RAB11FIP4: variants seen among roughly 807,000 people sequenced by gnomAD.
RAB11FIP4 encodes the protein RAB11 family interacting protein 4.
A neutral mutation model predicts 74.3 loss-of-function variants in RAB11FIP4; 23 were observed. That is an observed-to-expected ratio of 0.31 (90% CI 0.22 to 0.44). The LOEUF (loss-of-function observed/expected upper bound fraction) is 0.44. Among genes scored for constraint, RAB11FIP4 ranks in the 20% least tolerant of loss-of-function variants. The pLI, the probability that RAB11FIP4 is intolerant of heterozygous loss-of-function variation, is 1.00. For synonymous variants in RAB11FIP4, 360 were observed against 359.9 expected (o/e 1.00, Z 0.00); for missense variants, 630 against 863.9 (o/e 0.73, Z 3.39).
chr17:31,526,523 A>G (rs1436215748), intron 10 of RAB11FIP4: 1 of 152,200 alleles, frequency 6.6e-6, no homozygotes, highest in Non-Finnish European at 1.5e-5. Context: ...CTTCCAGGAA[A>G]GAGGACATGA....
At chr17:31,487,954 T>TCCTCCG (rs1204487268) in intron 3 of RAB11FIP4, 4 of 753,088 alleles carry the variant, frequency 5.3e-6, no homozygotes, top group African/African-American at 3.8e-5. Flanking sequence ...CGCGTCCCTG[T>TCCTCCG]CCTCCGCCCC....
chr17:31,445,558 ATATATATATATATATATATATTT>A lies in RAB11FIP4; in HGVS notation c.336+11438_336+11460del, dbSNP rs1215726585. ...TATATATATATATATATATATATAT[ATATATATATATATATATATATTT>A]TTTTTTTTTTTTTTTTTTTTTTGAC... On this transcript the variant is annotated intron_variant, in intron 3 of 14. Transcript: ENST00000621161. Among the ~76,000 whole-genome samples, 91 of 13,762 alleles carry A rather than the reference ATATATATATATATATATATATTT, an allele frequency of 6.6e-3. 4 individuals carry two copies. The highest frequency in any genetic ancestry group is 0.042 in the Middle Eastern group (2 of 48). The allele number at this position is 13,762 out of a possible 152,430, so 9.0% of individuals were successfully genotyped here.
In RAB11FIP4 at chr17:31,391,944, A is replaced by T; in HGVS notation, c.92A>T (p.Asp31Val). Residue 31 changes from aspartate to valine, a missense_variant, in exon 1 of 15, where the codon GAC becomes GTC. Transcript: ENST00000621161. ...LREVFEVCGRDPDGFLRVERV... is the reference protein window; with the variant it reads ...LREVFEVCGRVPDGFLRVERV... ...GAGGTGTTCGAGGTGTGCGGCCGCGACCCCGACGGCTTCCTGCGCGTGGAG... is the reference window on the plus strand; with the variant it reads ...GAGGTGTTCGAGGTGTGCGGCCGCGTCCCCGACGGCTTCCTGCGCGTGGAG... 7.2e-7 allele frequency: 1 copy of T among 1,382,792 alleles called. No homozygotes were observed. The highest frequency in any genetic ancestry group is 9.4e-7 in the Non-Finnish European group (1 of 1,064,616). 85.7% of individuals were successfully genotyped at this position (1,382,792 alleles called of 1,614,324 possible). A position where few individuals can be genotyped will look rare whatever the true frequency, so the allele number is the denominator to read the frequency against.
intron 4 of RAB11FIP4, among the ~76,000 whole-genome samples, chr17:31,519,060 G>T (rs1306965528): frequency 1.4e-5 from 2 of 138,784 alleles, no homozygotes; most frequent in African/African-American, 5.4e-5. Context: ...TGTCGCCCAG[G>T]CTGGAGTGCA....
At chr17:31,415,382 C>T (rs986827075) in intron 1 of RAB11FIP4, among the ~76,000 whole-genome samples, 7 of 152,154 alleles carry the variant, frequency 4.6e-5, no homozygotes, top group African/African-American at 1.7e-4. Context: ...GTAAAAGGCT[C>T]GGAAGAGAGG....
intron 1 of RAB11FIP4, 83 bp downstream of exon 1, chr17:31,392,094 C>T: frequency 7.5e-6 from 8 of 1,067,822 alleles, no homozygotes; most frequent in Non-Finnish European, 9.4e-6. Context: ...GCCGGGTCAC[C>T]CGCGTGGCCC....
intron 1 of RAB11FIP4, among the ~76,000 whole-genome samples, chr17:31,430,776 A>G (rs2071302194): frequency 6.6e-6 from 1 of 152,166 alleles, no homozygotes; most frequent in South Asian, 2.1e-4. Flanking sequence ...GATGATGGCT[A>G]TGACCAGGTG....
At position 31,536,150 on chromosome 17, in the gene RAB11FIP4, T is replaced by C. The variant is rs1239571433; in HGVS notation, c.*4418T>C. 2.0e-5 allele frequency: 3 copies of C among 152,190 alleles called. No homozygotes were observed. Among genetic ancestry groups the C allele is most frequent in the African/African-American group, 4.8e-5 (2 of 41,424 alleles). 9.4% of individuals were successfully genotyped at this position (152,190 alleles called of 1,614,324 possible). ...TGAAACTGGGAGAAATGAAGCCCTC[T>C]GTGTCCTGTGTGTGTGGTGGGGTTT... On this transcript the variant is annotated 3_prime_UTR_variant, in exon 15 of 15. Transcript: ENST00000621161.
intron 3 of RAB11FIP4, among the ~76,000 whole-genome samples, chr17:31,505,410 A>T (rs531496215): frequency 1.8e-5 from 2 of 110,140 alleles, no homozygotes; most frequent in African/African-American, 3.7e-5. Flanking sequence ...AATATATAAT[A>T]ATTATTATAT....
At chr17:31,447,406 A>G (rs2071477667) in intron 3 of RAB11FIP4, among the ~76,000 whole-genome samples, 1 of 152,262 alleles carries the variant, frequency 6.6e-6, no homozygotes, top group African/African-American at 2.4e-5. Context: ...TTGAGGCTAC[A>G]GTGAGCCGTT....
At chr17:31,446,669 G>T (rs560727027) in intron 3 of RAB11FIP4, among the ~76,000 whole-genome samples, 2 of 152,104 alleles carry the variant, frequency 1.3e-5, no homozygotes, top group South Asian at 4.2e-4. Flanking sequence ...TCTTTGGGGG[G>T]ATTATCTGAG....
At chr17:31,406,881 T>C (rs577040162) in intron 1 of RAB11FIP4, among the ~76,000 whole-genome samples, 1 of 152,256 alleles carries the variant, frequency 6.6e-6, no homozygotes, top group African/African-American at 2.4e-5. Context: ...TTCAATTATA[T>C]CACATCTGCT....
intron 3 of RAB11FIP4, chr17:31,488,392 C>CTGAG: frequency 9.7e-7 from 1 of 1,034,044 alleles, no homozygotes; most frequent in Non-Finnish European, 1.2e-6. Flanking sequence ...GTCGTGTTAC[C>CTGAG]TGAGCCATCT....
chr17:31,410,933 G>C (rs1268640003), intron 1 of RAB11FIP4, among the ~76,000 whole-genome samples: 1 of 152,182 alleles, frequency 6.6e-6, no homozygotes, highest in Non-Finnish European at 1.5e-5. Flanking sequence ...GCAGCTTCCA[G>C]GGTCCCACCC....
chr17:31,474,922 G>T (rs1199931674), intron 3 of RAB11FIP4, among the ~76,000 whole-genome samples: 1 of 152,002 alleles, frequency 6.6e-6, no homozygotes, highest in Middle Eastern at 3.2e-3. Context: ...GTGCTATGAG[G>T]ATTGTTAAGG....
intron 3 of RAB11FIP4, among the ~76,000 whole-genome samples, chr17:31,459,932 G>A (rs541222900): frequency 6.6e-6 from 1 of 152,022 alleles, no homozygotes; most frequent in East Asian, 1.9e-4. Flanking sequence ...CAGGACAGAA[G>A]TACACAGAGT....
At chr17:31,505,687 T>C (rs1597965211) in intron 3 of RAB11FIP4, among the ~76,000 whole-genome samples, 1 of 80,962 alleles carries the variant, frequency 1.2e-5, no homozygotes, top group East Asian at 2.3e-4. Context: ...TATTATAATA[T>C]ATAATAATTA....
chr17:31,484,873 A>G (rs2071885582), intron 3 of RAB11FIP4, among the ~76,000 whole-genome samples: 1 of 152,260 alleles, frequency 6.6e-6, no homozygotes, highest in East Asian at 1.9e-4. Context: ...GTTCTAAAAT[A>G]CATACTATTA....
At chr17:31,508,630 C>G (rs575282081) in intron 3 of RAB11FIP4, among the ~76,000 whole-genome samples, 2 of 152,368 alleles carry the variant, frequency 1.3e-5, no homozygotes, top group Admixed American at 6.5e-5. Flanking sequence ...CTCAGACCCT[C>G]CCTCTTGGTG....
Sources: gnomAD v4.1 joint callset for allele counts (sites outside exome capture counted in the v4.1 genomes callset) on GRCh38, gnomAD v4.1.1 for gene constraint, MANE v1.5 for transcripts, NCBI Gene and HGNC (gene_info 2026-07-23, HGNC 2026-07-21) for gene names.